Variants in ARHGAP15 observed in about 807,000 individuals in gnomAD.
ARHGAP15 encodes the protein Rho GTPase activating protein 15, also known as rho GTPase-activating protein 15.
A neutral mutation model predicts 63.7 loss-of-function variants in ARHGAP15; 51 were observed. That is an observed-to-expected ratio of 0.80 (90% CI 0.64 to 1.01). ARHGAP15 has a LOEUF of 1.01. Among genes scored for constraint, ARHGAP15 ranks in the 50% least tolerant of loss-of-function variants. The probability of loss-of-function intolerance (pLI) is 0.00; values close to 1 mark genes in which losing one functional copy is unlikely to be tolerated. For missense variants in ARHGAP15, 560 were observed against 564.6 expected (o/e 0.99, Z 0.08); for synonymous variants, 191 against 193.8 (o/e 0.99, Z 0.12).
chr2:143,185,246 T>C (rs1691395069), intron 2 of ARHGAP15, among the ~76,000 whole-genome samples: 1 of 152,234 alleles, frequency 6.6e-6, no homozygotes, highest in African/African-American at 2.4e-5. Context: ...GGTGTGGATA[T>C]GGTCTCTACT....
intron 11 of ARHGAP15, chr2:143,587,703 G>A (rs1362999903): frequency 2.1e-6 from 1 of 469,180 alleles, no homozygotes; most frequent in African/African-American, 2.0e-5. Flanking sequence ...TGGAATACCA[G>A]CCCTTCTATC....
chr2:143,160,857 A>G (rs565618885), intron 2 of ARHGAP15, among the ~76,000 whole-genome samples: 1 of 152,086 alleles, frequency 6.6e-6, no homozygotes, highest in East Asian at 1.9e-4. Context: ...CAGAAAGTTT[A>G]TGACGACAGT....
intron 3 of ARHGAP15, among the ~76,000 whole-genome samples, chr2:143,207,912 C>T (rs1038763836): frequency 7.9e-5 from 12 of 152,024 alleles, no homozygotes; most frequent in African/African-American, 2.9e-4. Flanking sequence ...GTTCTTTTTA[C>T]CAGGACTCAC....
chr2:143,736,292 A>C (rs1685741754), intron 13 of ARHGAP15, among the ~76,000 whole-genome samples: 1 of 151,916 alleles, frequency 6.6e-6, no homozygotes, highest in South Asian at 2.1e-4. Context: ...GCTACTCAGG[A>C]GGCTGAGGCA....
At chr2:143,749,001 A>C (rs891043285) in intron 13 of ARHGAP15, among the ~76,000 whole-genome samples, 1 of 151,850 alleles carries the variant, frequency 6.6e-6, no homozygotes, top group Non-Finnish European at 1.5e-5. Context: ...AGCTTTTGAG[A>C]GGGGGAAAAA....
At chr2:143,763,882 A>G (rs1031706275) in intron 13 of ARHGAP15, among the ~76,000 whole-genome samples, 1 of 150,582 alleles carries the variant, frequency 6.6e-6, no homozygotes, top group Non-Finnish European at 1.5e-5. Context: ...ATATAATACT[A>G]TATCTAACTT....
intron 12 of ARHGAP15, among the ~76,000 whole-genome samples, chr2:143,628,735 T>G (rs924811395): frequency 6.6e-6 from 1 of 152,210 alleles, no homozygotes; most frequent in African/African-American, 2.4e-5. Flanking sequence ...GTTCTCAGCT[T>G]CTTCTTTATA....
chr2:143,653,555 T>C (rs1376407714), intron 12 of ARHGAP15, among the ~76,000 whole-genome samples: 1 of 152,176 alleles, frequency 6.6e-6, no homozygotes. Flanking sequence ...ATTCTTTTAT[T>C]GTCTATGGAA....
At chr2:143,708,733 C>T (rs1684442320) in intron 13 of ARHGAP15, among the ~76,000 whole-genome samples, 1 of 152,100 alleles carries the variant, frequency 6.6e-6, no homozygotes, top group African/African-American at 2.4e-5. Context: ...CTCTATGCCT[C>T]TTATGAAGAG....
In ARHGAP15 at chr2:143,254,842, T is replaced by C. The variant is rs1424089630; in HGVS notation, c.474+4242T>C. ...TAAGGGTACAGTTGCATTCCTTTAA[T>C]AAAACAAAACAAATTCACTCCTATT... On this transcript the variant is annotated intron_variant, in intron 6 of 13. Transcript: ENST00000295095. Among the ~76,000 whole-genome samples the C allele has an allele frequency of 4.1e-5, 6 of 146,198 alleles. No homozygotes were observed. The East Asian group carries it at 1.2e-3, about 29-fold the overall frequency.
At chr2:143,274,047 G>A (rs1049983045) in intron 6 of ARHGAP15, among the ~76,000 whole-genome samples, 1 of 152,002 alleles carries the variant, frequency 6.6e-6, no homozygotes, top group African/African-American at 2.4e-5. Context: ...CCATTTTATT[G>A]TAATCACTAC....
At chr2:143,621,126 G>A (rs1404414098) in intron 11 of ARHGAP15, among the ~76,000 whole-genome samples, 1 of 152,084 alleles carries the variant, frequency 6.6e-6, no homozygotes, top group African/African-American at 2.4e-5. Context: ...CATCCCCACT[G>A]GGAAATGCTA....
At chr2:143,285,268 T>A (rs1217940490) in intron 6 of ARHGAP15, among the ~76,000 whole-genome samples, 1 of 152,040 alleles carries the variant, frequency 6.6e-6, no homozygotes, top group East Asian at 1.9e-4. Flanking sequence ...AATTCAATAT[T>A]TTTTTTCAAT....
At chr2:143,497,419 G>A (rs570748194) in intron 9 of ARHGAP15, among the ~76,000 whole-genome samples, 2 of 152,264 alleles carry the variant, frequency 1.3e-5, no homozygotes, top group South Asian at 4.1e-4. Flanking sequence ...AGAAAAAGAT[G>A]CAGGGCCCTT....
At chr2:143,453,074 T>C (rs543135726) in intron 8 of ARHGAP15, among the ~76,000 whole-genome samples, 1 of 149,316 alleles carries the variant, frequency 6.7e-6, no homozygotes, top group East Asian at 2.0e-4. Flanking sequence ...TTCTAAGCAC[T>C]TTAATCTACT....
intron 11 of ARHGAP15, among the ~76,000 whole-genome samples, chr2:143,600,494 T>A (rs981322758): frequency 6.6e-6 from 1 of 152,174 alleles, no homozygotes; most frequent in African/African-American, 2.4e-5. Context: ...CAGTTAAAAA[T>A]CTTAAAATCA....
At chr2:143,592,998 T>A (rs1470857604) in intron 11 of ARHGAP15, among the ~76,000 whole-genome samples, 1 of 152,160 alleles carries the variant, frequency 6.6e-6, no homozygotes, top group African/African-American at 2.4e-5. Flanking sequence ...TACTGCTGCT[T>A]GAGAGTTTAG....
intron 6 of ARHGAP15, among the ~76,000 whole-genome samples, chr2:143,339,572 G>T (rs1684961641): frequency 6.6e-6 from 1 of 152,046 alleles, no homozygotes; most frequent in Non-Finnish European, 1.5e-5. Context: ...AAGGAGTCTG[G>T]AATTACTCTA....
intron 11 of ARHGAP15, among the ~76,000 whole-genome samples, chr2:143,603,947 T>C (rs537747595): frequency 6.6e-6 from 1 of 152,182 alleles, no homozygotes; most frequent in Non-Finnish European, 1.5e-5. Flanking sequence ...AAATGAAATA[T>C]CTACTTTAGC....
Sources: gnomAD v4.1 joint callset for allele counts (sites outside exome capture counted in the v4.1 genomes callset) on GRCh38, gnomAD v4.1.1 for gene constraint, MANE v1.5 for transcripts, NCBI Gene and HGNC (gene_info 2026-07-23, HGNC 2026-07-21) for gene names.